The following KIF16B variants were observed in gnomAD, a reference collection of about 807,000 sequenced individuals.
KIF16B encodes the protein kinesin family member 16B.
A neutral mutation model predicts 156.3 loss-of-function variants in KIF16B; 98 were observed. That is an observed-to-expected ratio of 0.63 (90% CI 0.53 to 0.74). The LOEUF (loss-of-function observed/expected upper bound fraction) is 0.74, where lower values mean the gene tolerates loss of function less well. Ranked by LOEUF, KIF16B falls within the 30% of genes least tolerant of loss-of-function variation. KIF16B has a pLI of 0.00. For missense variants in KIF16B, 1,421 were observed against 1,606.5 expected, an observed-to-expected ratio of 0.88 and a Z score of 1.97; for synonymous variants, 564 against 583.7, an observed-to-expected ratio of 0.97 and a Z score of 0.49.
intron 25 of KIF16B, among the ~76,000 whole-genome samples, chr20:16,306,559 A>G (rs574227547): frequency 3.9e-5 from 6 of 152,318 alleles, no homozygotes; most frequent in Admixed American, 6.5e-5. Flanking sequence ...TCCAGGAATC[A>G]TCAAGAATAA....
chr20:16,535,816 T>C (rs2069937236), intron 1 of KIF16B, among the ~76,000 whole-genome samples: 1 of 152,176 alleles, frequency 6.6e-6, no homozygotes, highest in South Asian at 2.1e-4. Flanking sequence ...CCAGTTAGAA[T>C]GGCTGTTATT....
chr20:16,381,895 A>G (rs1028737800), intron 17 of KIF16B, 148 bp from the exon 18 acceptor site: 5 of 785,924 alleles, frequency 6.4e-6, no homozygotes, highest in Non-Finnish European at 9.9e-6. Flanking sequence ...TTTAAAATGC[A>G]TTCTTTGCTT....
intron 1 of KIF16B, among the ~76,000 whole-genome samples, chr20:16,543,446 A>G (rs1014157667): frequency 6.6e-6 from 1 of 152,206 alleles, no homozygotes; most frequent in Admixed American, 6.5e-5. Flanking sequence ...TTTCCTAAAG[A>G]AAGTATATAA....
intron 25 of KIF16B, among the ~76,000 whole-genome samples, chr20:16,286,932 C>T (rs2063231360): frequency 6.6e-6 from 1 of 152,218 alleles, no homozygotes; most frequent in South Asian, 2.1e-4. Flanking sequence ...AGAGCCCCAG[C>T]TGAGCCTAGT....
chr20:16,514,701 G>A (rs531260806), intron 4 of KIF16B, among the ~76,000 whole-genome samples: 24 of 150,098 alleles, frequency 1.6e-4, no homozygotes, highest in Non-Finnish European at 2.2e-4. Context: ...GACCAGCCTC[G>A]CCAACATGGT....
At chr20:16,512,250 C>T (rs1485134140) in intron 5 of KIF16B, among the ~76,000 whole-genome samples, 1 of 152,072 alleles carries the variant, frequency 6.6e-6, no homozygotes, top group African/African-American at 2.4e-5. Context: ...GAGATAGGTA[C>T]CACTACTATC....
At chr20:16,314,918 C>T (rs1450896817) in intron 24 of KIF16B, among the ~76,000 whole-genome samples, 5 of 152,168 alleles carry the variant, frequency 3.3e-5, no homozygotes, top group Non-Finnish European at 5.9e-5. Flanking sequence ...TGGCTCCCTC[C>T]AGCTTCCATC....
intron 12 of KIF16B, among the ~76,000 whole-genome samples, chr20:16,487,070 G>A (rs534020998): frequency 6.6e-5 from 10 of 152,116 alleles, no homozygotes; most frequent in South Asian, 6.2e-4. Context: ...TGGCTAACAC[G>A]GTGAAACCCC....
At chr20:16,571,660 C>T (rs1481813365) in intron 1 of KIF16B, among the ~76,000 whole-genome samples, 2 of 150,098 alleles carry the variant, frequency 1.3e-5, no homozygotes, top group African/African-American at 4.9e-5. Context: ...GAGGGAGTCT[C>T]GCTCTGTCAC....
At chr20:16,459,326 C>A (rs1255380130) in intron 12 of KIF16B, among the ~76,000 whole-genome samples, 1 of 152,216 alleles carries the variant, frequency 6.6e-6, no homozygotes, top group Non-Finnish European at 1.5e-5. Context: ...TTAATCAACA[C>A]TGTGGCTGGG....
intron 1 of KIF16B, among the ~76,000 whole-genome samples, chr20:16,548,457 A>T (rs2070498538): frequency 6.6e-6 from 1 of 152,206 alleles, no homozygotes; most frequent in Admixed American, 6.5e-5. Flanking sequence ...ACACAGGAGG[A>T]GGTCAGCGGC....
chr20:16,405,355 T>C (rs981915714), intron 16 of KIF16B, among the ~76,000 whole-genome samples: 1 of 152,174 alleles, frequency 6.6e-6, no homozygotes, highest in Non-Finnish European at 1.5e-5. Context: ...AGGGAAGCTA[T>C]TGGCAAACAT....
chr20:16,527,165 G>A (rs1366061179), intron 2 of KIF16B, among the ~76,000 whole-genome samples: 2 of 152,190 alleles, frequency 1.3e-5, no homozygotes, highest in African/African-American at 4.8e-5. Context: ...TATGCGAGAG[G>A]CCAAAGGAAG....
chr20:16,469,222 C>T (rs926799410), intron 12 of KIF16B, among the ~76,000 whole-genome samples: 39 of 139,636 alleles, frequency 2.8e-4, no homozygotes, highest in African/African-American at 9.9e-4. Flanking sequence ...CACTGCACTC[C>T]AGCCTGGGTG....
chr20:16,511,410 A>G lies in KIF16B; in HGVS notation c.556+8T>C. On this transcript the variant is annotated splice_region_variant and intron_variant, in intron 6 of 25. Transcript: ENST00000354981. ...AAAAGAATATGGCTGTGAAATATCTACTCTTACCCTCAACATAAGGGCCTT... is the reference window on the plus strand; with the variant it reads ...AAAAGAATATGGCTGTGAAATATCTGCTCTTACCCTCAACATAAGGGCCTT... The G allele has an allele frequency of 6.8e-7, 1 of 1,466,616 alleles. No individual in the cohort carries two copies. Among genetic ancestry groups the G allele is most frequent in the Non-Finnish European group, 9.4e-7 (1 of 1,062,226 alleles). The allele number at this position is 1,466,616 out of a possible 1,614,324, so 90.9% of individuals were successfully genotyped here. A position where few individuals can be genotyped will look rare whatever the true frequency, so the allele number is the denominator to read the frequency against.
At chr20:16,496,807 T>C (rs2068464328) in intron 11 of KIF16B, among the ~76,000 whole-genome samples, 1 of 152,220 alleles carries the variant, frequency 6.6e-6, no homozygotes, top group Non-Finnish European at 1.5e-5. Context: ...CTGAGGCTAT[T>C]ATCAGGATAT....
At chr20:16,468,912 A>C (rs1401652160) in intron 12 of KIF16B, among the ~76,000 whole-genome samples, 1 of 152,154 alleles carries the variant, frequency 6.6e-6, no homozygotes, top group African/African-American at 2.4e-5. Context: ...TGTCACATGG[A>C]ACATTCACCA....
At chr20:16,462,180 G>A (rs1444871651) in intron 12 of KIF16B, among the ~76,000 whole-genome samples, 1 of 152,100 alleles carries the variant, frequency 6.6e-6, no homozygotes, top group Non-Finnish European at 1.5e-5. Flanking sequence ...GGCGGAGGTT[G>A]CAGTGAGCCA....
intron 12 of KIF16B, among the ~76,000 whole-genome samples, chr20:16,469,184 G>A (rs900330730): frequency 3.4e-5 from 5 of 148,934 alleles, no homozygotes; most frequent in African/African-American, 1.2e-4. Flanking sequence ...CCCAGGAGTT[G>A]GAGGCTGCCG....
Sources: gnomAD v4.1 joint callset for allele counts (sites outside exome capture counted in the v4.1 genomes callset) on GRCh38, gnomAD v4.1.1 for gene constraint, MANE v1.5 for transcripts, NCBI Gene and HGNC (gene_info 2026-07-23, HGNC 2026-07-21) for gene names.